Variants in ZCCHC2 observed in about 807,000 individuals in gnomAD.
ZCCHC2 encodes the protein zinc finger CCHC-type containing 2, also known as zinc finger CCHC domain-containing protein 2.
ZCCHC2 carries 39 observed loss-of-function variants against 103.6 expected under a neutral mutation model. That is an observed-to-expected ratio of 0.38 (90% confidence interval 0.29 to 0.49). The LOEUF (loss-of-function observed/expected upper bound fraction) is 0.49. Among genes scored for constraint, ZCCHC2 ranks in the 20% least tolerant of loss-of-function variants. The pLI, the probability that ZCCHC2 is intolerant of heterozygous loss-of-function variation, is 0.96. For missense variants in ZCCHC2, 1,483 were observed against 1,491.0 expected (o/e 0.99, Z 0.09); for synonymous variants, 687 against 608.9 (o/e 1.13, Z -1.89).
At chr18:62,558,815 C>T in intron 7 of ZCCHC2, 45 bp downstream of exon 7, 1 of 1,274,810 alleles carries the variant, frequency 7.8e-7, no homozygotes, top group Non-Finnish European at 1.1e-6. Context: ...CTGCTGATAG[C>T]ACATGGATAG....
At chr18:62,545,898 T>C (rs1361694314) in intron 4 of ZCCHC2, among the ~76,000 whole-genome samples, 1 of 152,230 alleles carries the variant, frequency 6.6e-6, no homozygotes, top group Non-Finnish European at 1.5e-5. Context: ...CTTGTAGAGC[T>C]TTGAATAGCA....
intron 4 of ZCCHC2, among the ~76,000 whole-genome samples, chr18:62,546,546 G>A (rs1317799352): frequency 1.3e-5 from 2 of 152,216 alleles, no homozygotes; most frequent in Non-Finnish European, 2.9e-5. Flanking sequence ...GCGAGTTGCA[G>A]GAGTACAGAG....
At chr18:62,545,004 T>A (rs1216563891) in intron 4 of ZCCHC2, 131 bp downstream of exon 4, 11 of 672,816 alleles carry the variant, frequency 1.6e-5, no homozygotes, top group Admixed American at 1.1e-4. Context: ...AAATGAACAT[T>A]AGCTGTGGAA....
chr18:62,564,710 T>G, intron 10 of ZCCHC2, 75 bp downstream of exon 10: 1 of 1,118,770 alleles, frequency 8.9e-7, no homozygotes, highest in Non-Finnish European at 1.2e-6. Context: ...GTATACAACA[T>G]AGTATTTTTT....
chr18:62,535,759 T>C (rs1914897074), intron 1 of ZCCHC2, among the ~76,000 whole-genome samples: 1 of 152,192 alleles, frequency 6.6e-6, no homozygotes, highest in Admixed American at 6.5e-5. Flanking sequence ...GGGTGGGGAA[T>C]TGGTTCCACT....
rs113669303 is a variant in ZCCHC2, at chr18:62,523,593, C to T, written c.169C>T (p.Pro57Ser). ...PPPPAGPSRG[P>S]LPPPPPPRGL... The stretch of plus-strand genomic sequence containing the variant: ...GCCGCCCGCGGGCCCGTCGCGGGGC[C>T]CTCTGCCGCCGCCGCCGCCGCCCCG... Residue 57 changes from proline (P) to serine (S), a missense_variant, in exon 1 of 14, where the codon CCT (proline) becomes TCT (serine). Coordinates refer to ENST00000269499, the MANE Select transcript of ZCCHC2 (RefSeq NM_017742.6). 0.02 allele frequency: 20,499 copies of T among 1,022,494 alleles called. 233 individuals carry two copies. Among genetic ancestry groups the T allele is most frequent in the Non-Finnish European group, 0.022 (18,890 of 852,778 alleles). 63.3% of individuals were successfully genotyped at this position (1,022,494 alleles called of 1,614,324 possible).
intron 6 of ZCCHC2, 64 bp downstream of exon 6, chr18:62,556,361 GT>G (rs1915884903): frequency 2.4e-6 from 3 of 1,262,824 alleles, no homozygotes; most frequent in Non-Finnish European, 3.3e-6. Context: ...GCTTTACTGT[GT>G]CATTTTGTGT....
Position 62,574,576 on chromosome 18 carries a change from C to T in ZCCHC2, c.2495C>T (p.Pro832Leu), listed in dbSNP as rs776749680. The change falls in exon 13 of 14, where the codon CCA becomes CTA. Residue 832 changes from proline (P) to leucine (L), a missense_variant. Coordinates refer to ENST00000269499, the MANE Select transcript of ZCCHC2 (RefSeq NM_017742.6). ...TCTGAGAGCTGCACAGTTAACATCC[C>T]ACAACAACCACCCGGAAGCCTGAGC... The part of the protein sequence containing the change: ...GSSESCTVNI[P>L]QQPPGSLSIA... The T allele has an allele frequency of 6.2e-7, 1 of 1,613,952 alleles. No individual in the cohort carries two copies. The highest frequency in any genetic ancestry group is 8.5e-7 in the Non-Finnish European group (1 of 1,179,884).
chr18:62,536,622 C>A (rs34284056), intron 1 of ZCCHC2, among the ~76,000 whole-genome samples: 26,895 of 152,188 alleles, frequency 0.18, 3,142 homozygotes, highest in Non-Finnish European at 0.26. Context: ...AGCCACCCAC[C>A]ATTGGGGCTG....
Position 62,524,348 on chromosome 18 carries a change from C to T in ZCCHC2, c.924C>T (p.Ala308=), listed in dbSNP as rs769815596. 4 of 1,528,494 alleles carry T rather than the reference C, an allele frequency of 2.6e-6. No individual in the cohort carries two copies. Among genetic ancestry groups the T allele is most frequent in the Non-Finnish European group, 3.5e-6 (4 of 1,138,844 alleles). The allele number at this position is 1,528,494 out of a possible 1,614,324, so 94.7% of individuals were successfully genotyped here. The change falls in exon 1 of 14, where the codon GCC becomes GCT. Residue 308 remains alanine, a synonymous_variant. Coordinates refer to ENST00000269499, the MANE Select transcript of ZCCHC2 (RefSeq NM_017742.6). ...AEVEVEPCKF[A]GPRAQNNSAH... Reference sequence around the variant, plus strand: ...TGGAGGTAGAGCCGTGCAAGTTTGCCGGCCCCAGGGCCCAGGTAAGGCGCA... The same window carrying T: ...TGGAGGTAGAGCCGTGCAAGTTTGCTGGCCCCAGGGCCCAGGTAAGGCGCA...
At chr18:62,585,199 A>G (rs192876395) in exon 15 of ZCCHC2, 1 of 152,386 alleles carries the variant, frequency 6.6e-6, no homozygotes, top group Admixed American at 6.5e-5. Context: ...TTCAAGTGGC[A>G]TCAATGCAGA....
chr18:62,573,686 G>T (rs1348637238), intron 12 of ZCCHC2, among the ~76,000 whole-genome samples: 1 of 152,166 alleles, frequency 6.6e-6, no homozygotes, highest in Non-Finnish European at 1.5e-5. Context: ...AAGAACTTGG[G>T]TTGGCAGTGC....
intron 4 of ZCCHC2, among the ~76,000 whole-genome samples, chr18:62,549,168 G>A (rs1354550434): frequency 1.3e-5 from 2 of 151,900 alleles, no homozygotes; most frequent in East Asian, 1.9e-4. Context: ...GCAGTGAGCC[G>A]AGATCGCGCC....
chr18:62,585,690 A>G (rs1917152840), exon 15 of ZCCHC2: 1 of 152,262 alleles, frequency 6.6e-6, no homozygotes, highest in Non-Finnish European at 1.5e-5. Flanking sequence ...CGCGTTGTAG[A>G]GTAGTTGCAC....
downstream of ZCCHC2, among the ~76,000 whole-genome samples, chr18:62,582,401 G>A (rs900195958): frequency 4.6e-5 from 7 of 152,244 alleles, no homozygotes; most frequent in Non-Finnish European, 8.8e-5. Flanking sequence ...TCAGTGGCCG[G>A]GCACAGTGGC....
chr18:62,550,110 G>C (rs182722097), intron 4 of ZCCHC2, among the ~76,000 whole-genome samples: 1 of 152,176 alleles, frequency 6.6e-6, no homozygotes, highest in Non-Finnish European at 1.5e-5. Flanking sequence ...TGAATGCTGT[G>C]GGTCGCCCTG....
chr18:62,533,033 A>G (rs1407219982), intron 1 of ZCCHC2, among the ~76,000 whole-genome samples: 2 of 152,196 alleles, frequency 1.3e-5, no homozygotes, highest in Non-Finnish European at 2.9e-5. Context: ...AGCTGAGATC[A>G]TGCCACTGCA....
rs1392629985 is a variant in ZCCHC2, at chr18:62,556,192, T to C, written c.1314-11T>C. On this transcript the variant is annotated splice_polypyrimidine_tract_variant and intron_variant, in intron 5 of 13. Transcript: ENST00000269499. ...CTGAAATTAACAAATCTCTTTTCTT[T>C]TTATGTGCAGGCAGCTATTTTCAAG... 6.3e-7 allele frequency: 1 copy of C among 1,580,580 alleles called. No homozygotes were observed. Among genetic ancestry groups the C allele is most frequent in the Non-Finnish European group, 8.6e-7 (1 of 1,162,052 alleles).
intron 1 of ZCCHC2, chr18:62,527,089 C>T (rs1377606263): frequency 1.4e-5 from 2 of 138,024 alleles, no homozygotes; most frequent in Non-Finnish European, 3.0e-5. Context: ...TTTTTCTTAA[C>T]TACTAAGTGA....
Sources: allele counts gnomAD v4.1 joint callset (sites outside exome capture counted in the v4.1 genomes callset), GRCh38; gene constraint gnomAD v4.1.1; transcripts MANE v1.5; gene names NCBI Gene and HGNC (gene_info 2026-07-23, HGNC 2026-07-21).